The following FOCAD variants were observed in gnomAD, a reference collection of about 807,000 sequenced individuals.
The protein encoded by FOCAD is focadhesin, also known as KIAA1797.
FOCAD carries 198 observed loss-of-function variants against 225.6 expected under a neutral mutation model. That is an observed-to-expected ratio of 0.88 (90% CI 0.78 to 0.99). The LOEUF (loss-of-function observed/expected upper bound fraction) is 0.99, where lower values mean the gene tolerates loss of function less well. Among genes scored for constraint, FOCAD ranks in the 50% least tolerant of loss-of-function variants. FOCAD has a pLI of 0.00. For synonymous variants in FOCAD, 897 were observed against 755.0 expected (o/e 1.19, Z -3.08); for missense variants, 2,713 against 2,123.6 (o/e 1.28, Z -5.46).
At chr9:20,661,549 G>T (rs1242384878) in intron 2 of FOCAD, among the ~76,000 whole-genome samples, 1 of 152,186 alleles carries the variant, frequency 6.6e-6, no homozygotes, top group Non-Finnish European at 1.5e-5. Context: ...TAAAGTCTAA[G>T]AGGGAACTGT....
At chr9:20,748,456 T>C (rs557795393) in intron 5 of FOCAD, among the ~76,000 whole-genome samples, 1 of 152,184 alleles carries the variant, frequency 6.6e-6, no homozygotes, top group East Asian at 1.9e-4. Context: ...ATAAAAGTTT[T>C]GGACTTTCTC....
chr9:20,973,905 A>T (rs7852120), intron 35 of FOCAD, among the ~76,000 whole-genome samples: 823 of 54,018 alleles, frequency 0.015, 28 homozygotes, highest in East Asian at 0.069. Flanking sequence ...ACTTCCCCCT[A>T]CTTTCAGCAT....
chr9:20,741,676 CTTTTTTTTT>C (rs10675694), intron 5 of FOCAD, among the ~76,000 whole-genome samples: 2 of 87,194 alleles, frequency 2.3e-5, no homozygotes, highest in Admixed American at 1.5e-4. Flanking sequence ...GGTAAATATG[CTTTTTTTTT>C]TTTTTTTTTT....
chr9:20,778,229 C>A (rs1358560997), intron 8 of FOCAD, among the ~76,000 whole-genome samples: 2 of 151,570 alleles, frequency 1.3e-5, no homozygotes, highest in Non-Finnish European at 2.9e-5. Context: ...TTATGTGTGA[C>A]TGTGTGGCAT....
chr9:20,864,292 T>G (rs1829040399), intron 16 of FOCAD, among the ~76,000 whole-genome samples: 1 of 152,058 alleles, frequency 6.6e-6, no homozygotes, highest in Non-Finnish European at 1.5e-5. Context: ...TTCCCTAAAA[T>G]GTAGTCCAAC....
rs1831627593 is a variant in FOCAD, at chr9:20,891,682, T to C, written c.2625+6452T>C. On this transcript the variant is annotated intron_variant, in intron 21 of 43. Transcript: ENST00000338382. ...AAAGTTTGAAGGTAGCAGAGGTTGG[T>C]TCCTGAGGTGTAAGGAAAGAAGCGA... 2.0e-5 allele frequency among the ~76,000 whole-genome samples: 3 copies of C among 152,190 alleles called. No homozygotes were observed. In the South Asian group the frequency reaches 6.2e-4, roughly 31 times the overall value.
chr9:20,707,951 A>G (rs148418102), intron 1 of FOCAD, among the ~76,000 whole-genome samples: 2 of 152,300 alleles, frequency 1.3e-5, no homozygotes, highest in African/African-American at 2.4e-5. Context: ...GGTACATGGA[A>G]ATACTTAGGG....
intron 21 of FOCAD, among the ~76,000 whole-genome samples, chr9:20,888,155 T>TTTTTTTTTTTTTTTTTTTG: frequency 6.8e-6 from 1 of 147,932 alleles, no homozygotes; most frequent in Non-Finnish European, 1.5e-5. Context: ...TTTTTTTTTT[T>TTTTTTTTTTTTTTTTTTTG]TGAGATGGAG....
At chr9:20,894,779 T>C (rs1831932413) in intron 21 of FOCAD, among the ~76,000 whole-genome samples, 1 of 152,136 alleles carries the variant, frequency 6.6e-6, no homozygotes, top group African/African-American at 2.4e-5. Context: ...GTCTATGGCT[T>C]ATCTATTCTC....
intron 28 of FOCAD, among the ~76,000 whole-genome samples, chr9:20,940,098 G>A (rs553755031): frequency 1.3e-5 from 2 of 152,002 alleles, no homozygotes; most frequent in South Asian, 4.1e-4. Flanking sequence ...AGAGAGAGAC[G>A]GGTAGGCCTG....
Position 20,756,335 on chromosome 9 carries a change from T to C in FOCAD, c.393-1755T>C, listed in dbSNP as rs555943234. ...TAGATAGTGTTATACCCACAAACTG[T>C]GTGGTAGTGTCAGAGAGGTGTTTCA... On this transcript the variant is annotated intron_variant, in intron 5 of 43. Coordinates refer to ENST00000338382, the MANE Select transcript of FOCAD (RefSeq NM_001375567.1). Among the ~76,000 whole-genome samples, 25 of 152,234 alleles carry C rather than the reference T, an allele frequency of 1.6e-4. No individual in the cohort carries two copies. The East Asian group carries it at 2.9e-3, about 18-fold the overall frequency.
chr9:20,858,735 A>C (rs929355723), intron 15 of FOCAD, among the ~76,000 whole-genome samples: 1 of 152,126 alleles, frequency 6.6e-6, no homozygotes. Context: ...TATTGGTATC[A>C]ACTTTCCTCT....
At chr9:20,781,999 T>C in intron 10 of FOCAD, 70 bp downstream of exon 10, 2 of 1,320,284 alleles carry the variant, frequency 1.5e-6, no homozygotes, top group Non-Finnish European at 2.2e-6. Flanking sequence ...CGGATAATCT[T>C]GCCTCCTGAT....
chr9:20,809,720 G>A (rs1822848625), intron 11 of FOCAD, among the ~76,000 whole-genome samples: 1 of 152,132 alleles, frequency 6.6e-6, no homozygotes, highest in African/African-American at 2.4e-5. Context: ...ATAGTTGTGA[G>A]TTTCTTAACT....
chr9:20,842,565 G>A (rs1826647853), intron 15 of FOCAD, among the ~76,000 whole-genome samples: 1 of 151,624 alleles, frequency 6.6e-6, no homozygotes, highest in Non-Finnish European at 1.5e-5. Flanking sequence ...GTTTCCATTG[G>A]CATGTACTAT....
chr9:20,850,711 A>T (rs1030551988), intron 15 of FOCAD, among the ~76,000 whole-genome samples: 6 of 151,474 alleles, frequency 4.0e-5, no homozygotes, highest in Non-Finnish European at 7.4e-5. Flanking sequence ...GCACAATTTA[A>T]ATTGGTATAA....
intron 21 of FOCAD, among the ~76,000 whole-genome samples, chr9:20,900,284 A>C (rs1210333337): frequency 6.6e-6 from 1 of 151,862 alleles, no homozygotes; most frequent in Non-Finnish European, 1.5e-5. Context: ...GCTGCTACCC[A>C]ACCATATTTC....
chr9:20,876,197 T>A (rs551260953), intron 19 of FOCAD, among the ~76,000 whole-genome samples: 1 of 152,268 alleles, frequency 6.6e-6, no homozygotes, highest in Non-Finnish European at 1.5e-5. Flanking sequence ...CTCAAAGACT[T>A]GTTCACTCTT....
chr9:20,672,441 ATAAAT>A (rs1403738516), intron 2 of FOCAD, among the ~76,000 whole-genome samples: 1 of 152,198 alleles, frequency 6.6e-6, no homozygotes, highest in Admixed American at 6.5e-5. Flanking sequence ...TAACTTAAAA[ATAAAT>A]TATTATTATT....
Sources: allele counts gnomAD v4.1 joint callset (sites outside exome capture counted in the v4.1 genomes callset), GRCh38; gene constraint gnomAD v4.1.1; transcripts MANE v1.5; gene names NCBI Gene and HGNC (gene_info 2026-07-23, HGNC 2026-07-21).